LARGE1: variants seen among roughly 807,000 people sequenced by gnomAD.
The protein encoded by LARGE1 is LARGE xylosyl- and glucuronyltransferase 1, also known as xylosyl- and glucuronyltransferase LARGE1.
A neutral mutation model predicts 87.6 loss-of-function variants in LARGE1; 43 were observed. The ratio of observed to expected loss-of-function variants is 0.49; its 90% CI spans 0.38 to 0.63. The LOEUF is 0.63. LARGE1 is among the 30% of genes least tolerant of loss of function. The probability of loss-of-function intolerance (pLI) is 0.00; values close to 1 mark genes in which losing one functional copy is unlikely to be tolerated. For synonymous variants in LARGE1, 434 were observed against 394.6 expected (o/e 1.10, Z -1.18); for missense variants, 802 against 1,000.2 (o/e 0.80, Z 2.67).
intron 10 of LARGE1, among the ~76,000 whole-genome samples, chr22:33,324,831 C>A (rs779634460): frequency 6.6e-6 from 1 of 152,282 alleles, no homozygotes; most frequent in South Asian, 2.1e-4. Context: ...CGACCTTGAG[C>A]AAGTCATGTC....
chr22:33,577,556 T>C (rs1222486820), intron 5 of LARGE1, among the ~76,000 whole-genome samples: 1 of 152,192 alleles, frequency 6.6e-6, no homozygotes, highest in Non-Finnish European at 1.5e-5. Flanking sequence ...CTTCCACTCT[T>C]ACCTCCGCCT....
At chr22:33,404,916 A>C (rs2066045167) in intron 7 of LARGE1, among the ~76,000 whole-genome samples, 1 of 152,112 alleles carries the variant, frequency 6.6e-6, no homozygotes, top group Non-Finnish European at 1.5e-5. Context: ...GCTATACCTG[A>C]GCAATTATCC....
At chr22:33,365,806 G>C (rs2064565644) in intron 9 of LARGE1, among the ~76,000 whole-genome samples, 1 of 152,028 alleles carries the variant, frequency 6.6e-6, no homozygotes. Flanking sequence ...TAGTAGAGAT[G>C]GGGTTTCACA....
At position 33,871,991 on chromosome 22, in the gene LARGE1, AAAAAAAAG is replaced by A. The variant is rs2064300391; in HGVS notation, c.-83+47996_-83+48003del. 2.2e-4 allele frequency among the ~76,000 whole-genome samples: 33 copies of A among 151,720 alleles called. 1 individual carries two copies. The South Asian group carries it at 6.9e-3, about 32-fold the overall frequency. On this transcript the variant is annotated intron_variant, in intron 1 of 14. Coordinates refer to ENST00000397394, the MANE Select transcript of LARGE1 (RefSeq NM_133642.5). ...TCTATTTCTAAATCAGCAAAAAAAAAAAAAAAAGAAAAGAAAACAATATTGGGGAAAGG... is the reference window on the plus strand; with the variant it reads ...TCTATTTCTAAATCAGCAAAAAAAAAAAAAGAAAACAATATTGGGGAAAGG...
chr22:33,472,637 C>G (rs185397954), intron 6 of LARGE1, among the ~76,000 whole-genome samples: 1 of 152,266 alleles, frequency 6.6e-6, no homozygotes, highest in Admixed American at 6.5e-5. Flanking sequence ...TTTCAAATGT[C>G]TCAGCAGATA....
At chr22:33,328,369 C>T (rs1937420905) in intron 10 of LARGE1, among the ~76,000 whole-genome samples, 1 of 152,036 alleles carries the variant, frequency 6.6e-6, no homozygotes, top group African/African-American at 2.4e-5. Context: ...ATCACGAGGT[C>T]AGGAGTTCAA....
At chr22:33,803,706 C>A (rs1431886419) in intron 1 of LARGE1, among the ~76,000 whole-genome samples, 2 of 152,206 alleles carry the variant, frequency 1.3e-5, no homozygotes, top group Non-Finnish European at 1.5e-5. Context: ...ACACAGGACA[C>A]ACTTAATTCC....
intron 2 of LARGE1, among the ~76,000 whole-genome samples, chr22:33,661,191 T>C (rs1252350059): frequency 1.3e-5 from 2 of 151,518 alleles, no homozygotes; most frequent in African/African-American, 2.4e-5. Flanking sequence ...TGGTTGGCCA[T>C]ATTTATTACC....
chr22:33,528,738 A>G (rs763231531), intron 6 of LARGE1, among the ~76,000 whole-genome samples: 2 of 152,168 alleles, frequency 1.3e-5, no homozygotes, highest in Non-Finnish European at 2.9e-5. Flanking sequence ...GGGAGGGGGC[A>G]TAACGAGGTA....
At chr22:33,796,178 T>C (rs966432123) in intron 1 of LARGE1, among the ~76,000 whole-genome samples, 1 of 152,100 alleles carries the variant, frequency 6.6e-6, no homozygotes, top group Non-Finnish European at 1.5e-5. Context: ...AATAACCTAA[T>C]CAAGGCATAA....
At chr22:33,077,993 T>G in the LARGE1 span, among the ~76,000 whole-genome samples, 2 of 152,180 alleles carry the variant, frequency 1.3e-5, no homozygotes, top group African/African-American at 4.8e-5. Context: ...GAACTGCATG[T>G]ACTATTTGCA....
chr22:33,789,748 G>T lies in LARGE1; in HGVS notation c.-82-28190C>A, dbSNP rs141828944. On this transcript the variant is annotated intron_variant, in intron 1 of 14. Coordinates refer to ENST00000397394, the MANE Select transcript of LARGE1 (RefSeq NM_133642.5). ...CCCCATATGATTTCGGACATACACAGGGCCTGTAGTTCCTTCATTTTGGCC... is the reference window on the plus strand; with the variant it reads ...CCCCATATGATTTCGGACATACACATGGCCTGTAGTTCCTTCATTTTGGCC... Among the ~76,000 whole-genome samples the T allele has an allele frequency of 5.7e-3, 867 of 152,322 alleles. 10 individuals are homozygous for T. Among genetic ancestry groups the T allele is most frequent in the African/African-American group, 0.02 (817 of 41,572 alleles).
At chr22:33,134,598 T>C in the LARGE1 span, among the ~76,000 whole-genome samples, 1 of 152,170 alleles carries the variant, frequency 6.6e-6, no homozygotes, top group Admixed American at 6.5e-5. Flanking sequence ...TTTAGGATAG[T>C]GGTCATACCT....
chr22:33,690,802 G>A (rs998495932), intron 2 of LARGE1, among the ~76,000 whole-genome samples: 52 of 152,234 alleles, frequency 3.4e-4, no homozygotes, highest in African/African-American at 1.1e-3. Context: ...GCTGGCACTC[G>A]ATGTTGCAGG....
intron 1 of LARGE1, among the ~76,000 whole-genome samples, chr22:33,786,215 G>A (rs1246771345): frequency 6.6e-6 from 1 of 152,122 alleles, no homozygotes; most frequent in Non-Finnish European, 1.5e-5. Flanking sequence ...CTTCTTAGAA[G>A]AAAAAGGCTC....
chr22:33,471,236 T>G (rs553039656), intron 6 of LARGE1, among the ~76,000 whole-genome samples: 2 of 151,982 alleles, frequency 1.3e-5, no homozygotes, highest in East Asian at 3.9e-4. Flanking sequence ...GCAGAGATTT[T>G]TAGCACCACG....
intron 6 of LARGE1, among the ~76,000 whole-genome samples, chr22:33,529,146 A>G (rs2072068127): frequency 6.6e-6 from 1 of 152,208 alleles, no homozygotes; most frequent in South Asian, 2.1e-4. Flanking sequence ...AACTCTATAA[A>G]GAATTGGGAA....
At chr22:33,078,967 G>C in the LARGE1 span, among the ~76,000 whole-genome samples, 1 of 152,322 alleles carries the variant, frequency 6.6e-6, no homozygotes, top group East Asian at 1.9e-4. Context: ...ACCTTAAACA[G>C]GTGAGAGACA....
intron 1 of LARGE1, among the ~76,000 whole-genome samples, chr22:33,777,633 A>AGGGAGG (rs2085284651): frequency 2.5e-5 from 1 of 40,398 alleles, no homozygotes; most frequent in Non-Finnish European, 5.9e-5. Context: ...ACAGAGAGGG[A>AGGGAGG]GGGAGGGGAA....
Sources: gnomAD v4.1 joint callset for allele counts (sites outside exome capture counted in the v4.1 genomes callset) on GRCh38, gnomAD v4.1.1 for gene constraint, MANE v1.5 for transcripts, NCBI Gene and HGNC (gene_info 2026-07-23, HGNC 2026-07-21) for gene names.